DGKB: variants seen among roughly 807,000 people sequenced by gnomAD.
The protein encoded by DGKB is 90 kDa diacylglycerol kinase.
In DGKB, 67 loss-of-function variants were observed where a neutral mutation model predicts 114.3. The ratio of observed to expected loss-of-function variants is 0.59; its 90% CI spans 0.48 to 0.72. DGKB has a LOEUF of 0.72. DGKB is among the 30% of genes least tolerant of loss of function. The probability of loss-of-function intolerance (pLI) is 0.00; values close to 1 mark genes in which losing one functional copy is unlikely to be tolerated. For missense variants in DGKB, 907 were observed against 975.2 expected (o/e 0.93, Z 0.93); for synonymous variants, 398 against 323.1 (o/e 1.23, Z -2.49).
chr7:14,879,228 C>T (rs1853837995), intron 1 of DGKB, among the ~76,000 whole-genome samples: 2 of 151,732 alleles, frequency 1.3e-5, no homozygotes, highest in South Asian at 4.1e-4. Context: ...ATATTCATGA[C>T]CTGAGGTATA....
chr7:14,619,099 T>A (rs1807118622), intron 15 of DGKB, among the ~76,000 whole-genome samples: 1 of 151,562 alleles, frequency 6.6e-6, no homozygotes, highest in Admixed American at 6.6e-5. Context: ...TTTGGTCCTT[T>A]CTGCTGAGGT....
chr7:14,548,291 A>G (rs1488134353), intron 20 of DGKB, among the ~76,000 whole-genome samples: 1 of 152,198 alleles, frequency 6.6e-6, no homozygotes, highest in African/African-American at 2.4e-5. Flanking sequence ...ATTATAGGGG[A>G]AAATAGACCA....
intron 17 of DGKB, among the ~76,000 whole-genome samples, chr7:14,593,834 A>AAAAAC (rs1430007801): frequency 1.3e-5 from 2 of 151,582 alleles, no homozygotes; most frequent in African/African-American, 4.8e-5. Context: ...AAAAGAAAAA[A>AAAAAC]ACAACACAGG....
At chr7:14,670,102 G>C (rs1818700554) in intron 13 of DGKB, among the ~76,000 whole-genome samples, 1 of 151,932 alleles carries the variant, frequency 6.6e-6, no homozygotes, top group Non-Finnish European at 1.5e-5. Context: ...ATAAATAAAT[G>C]TGTTGTTATT....
intron 3 of DGKB, 144 bp downstream of exon 3, chr7:14,757,511 T>G (rs1835058908): frequency 1.9e-6 from 1 of 521,098 alleles, no homozygotes; most frequent in South Asian, 3.0e-5. Context: ...CACATATACA[T>G]ACATCTGTAT....
At chr7:14,663,644 T>TTCCTC (rs1817541385) in intron 13 of DGKB, among the ~76,000 whole-genome samples, 2 of 57,366 alleles carry the variant, frequency 3.5e-5, no homozygotes, top group African/African-American at 9.7e-5. Context: ...CTCCCTTCCT[T>TTCCTC]CCTTCCCTCC....
At chr7:14,220,844 T>A (rs572582181) in intron 23 of DGKB, among the ~76,000 whole-genome samples, 31 of 151,632 alleles carry the variant, frequency 2.0e-4, no homozygotes, top group East Asian at 7.8e-4. Context: ...TTTAATTTTT[T>A]AAAATTTTTA....
intron 2 of DGKB, among the ~76,000 whole-genome samples, chr7:14,802,007 T>C (rs1276299981): frequency 6.6e-6 from 1 of 151,920 alleles, no homozygotes; most frequent in African/African-American, 2.4e-5. Context: ...GGTTTTGTTT[T>C]CCTGGAGAGA....
In DGKB at chr7:14,812,395, TTG is replaced by T. The variant is rs138316739; in HGVS notation, c.70+28797_70+28798del. On this transcript the variant is annotated intron_variant, in intron 2 of 25. Coordinates refer to ENST00000402815, the MANE Select transcript of DGKB (RefSeq NM_001350709.2). ...TAGAATGAAATAAAATAAAGCCATT[TTG>T]TGTGTGTGTGTGTGTCTTGATAGTA... 6.5e-3 allele frequency among the ~76,000 whole-genome samples: 977 copies of T among 151,434 alleles called. 13 individuals are homozygous for T. Among genetic ancestry groups the T allele is most frequent in the African/African-American group, 0.022 (919 of 41,386 alleles).
intron 23 of DGKB, among the ~76,000 whole-genome samples, chr7:14,192,905 G>C (rs1417501503): frequency 1.3e-5 from 2 of 151,872 alleles, no homozygotes; most frequent in African/African-American, 4.8e-5. Flanking sequence ...TCAGGTGTTA[G>C]ATTCACATAC....
rs1420885256 is a variant in DGKB at position 14,902,674 on chromosome 7, T to C, written c.-270A>G. 6.6e-6 allele frequency: 1 copy of C among 152,086 alleles called. No individual in the cohort carries two copies. Among genetic ancestry groups the C allele is most frequent in the South Asian group, 2.1e-4 (1 of 4,824 alleles). The allele number at this position is 152,086 out of a possible 1,614,324, so 9.4% of individuals were successfully genotyped here. ...CCGGAGAGGAACTGGGACTAGCCAG[T>C]TCTCAGGATCCTTTCCAATTCACAC... On this transcript the variant is annotated 5_prime_UTR_variant, in exon 1 of 26. Coordinates refer to ENST00000402815, the MANE Select transcript of DGKB (RefSeq NM_001350709.2).
chr7:14,499,631 A>G (rs185114709), intron 20 of DGKB, among the ~76,000 whole-genome samples: 212 of 151,960 alleles, frequency 1.4e-3, no homozygotes, highest in African/African-American at 4.9e-3. Context: ...TTTACAAGCA[A>G]GGAAACTGAG....
chr7:14,443,496 C>T (rs1830344784), intron 21 of DGKB, among the ~76,000 whole-genome samples: 2 of 152,206 alleles, frequency 1.3e-5, no homozygotes, highest in South Asian at 2.1e-4. Context: ...TATTTGGCCT[C>T]CAAATGATAG....
chr7:14,804,442 C>T (rs1341406012), intron 2 of DGKB, among the ~76,000 whole-genome samples: 6 of 151,844 alleles, frequency 4.0e-5, no homozygotes, highest in Admixed American at 6.6e-5. Flanking sequence ...TACCTATGTA[C>T]GTATGTATTA....
At chr7:14,389,400 T>A (rs1256760858) in intron 21 of DGKB, among the ~76,000 whole-genome samples, 1 of 152,114 alleles carries the variant, frequency 6.6e-6, no homozygotes, top group African/African-American at 2.4e-5. Context: ...TTGGTGAACT[T>A]GAGAGCTTTC....
chr7:14,351,744 G>A (rs6972310), intron 21 of DGKB, among the ~76,000 whole-genome samples: 1 of 152,106 alleles, frequency 6.6e-6, no homozygotes, highest in East Asian at 1.9e-4. Context: ...TTAGGTATTT[G>A]CTTGTAGAAA....
chr7:14,433,126 C>A (rs1468376346), intron 21 of DGKB, among the ~76,000 whole-genome samples: 1 of 152,166 alleles, frequency 6.6e-6, no homozygotes, highest in African/African-American at 2.4e-5. Flanking sequence ...AGGTCACACA[C>A]TCTCCCTGGG....
At chr7:14,461,270 T>C (rs1387522503) in intron 21 of DGKB, among the ~76,000 whole-genome samples, 4 of 149,026 alleles carry the variant, frequency 2.7e-5, no homozygotes, top group Admixed American at 6.7e-5. Flanking sequence ...CTGAAGGAGA[T>C]AGAGACACAC....
intron 23 of DGKB, among the ~76,000 whole-genome samples, chr7:14,291,082 C>T (rs1161958539): frequency 1.5e-5 from 2 of 133,092 alleles, no homozygotes; most frequent in African/African-American, 5.8e-5. Flanking sequence ...GCAGAGGTTG[C>T]AGTGAGCCGA....
Sources: allele counts gnomAD v4.1 joint callset (sites outside exome capture counted in the v4.1 genomes callset), GRCh38; gene constraint gnomAD v4.1.1; transcripts MANE v1.5; gene names NCBI Gene and HGNC (gene_info 2026-07-23, HGNC 2026-07-21).